Variants in TMC8 observed in about 807,000 individuals in gnomAD.
TMC8 encodes transmembrane channel-like protein 8.
Under a neutral mutation model 76.0 loss-of-function variants are expected in TMC8, and 71 were observed. The observed-to-expected ratio is 0.93, with a 90% CI of 0.77 to 1.14. The LOEUF is 1.14. Among genes scored for constraint, TMC8 ranks in the 50% most tolerant of loss-of-function variants. The probability of loss-of-function intolerance (pLI) is 0.00; values close to 1 mark genes in which losing one functional copy is unlikely to be tolerated. For missense variants in TMC8, 924 were observed against 947.9 expected, an observed-to-expected ratio of 0.97 and a Z score of 0.33; for synonymous variants, 433 against 433.8, an observed-to-expected ratio of 1.00 and a Z score of 0.02.
chr17:78,132,278 C>A lies in TMC8; in HGVS notation c.299-81C>A, dbSNP rs1413519673. On this transcript the variant is annotated intron_variant, in intron 3 of 15. Transcript: ENST00000318430. The stretch of plus-strand genomic sequence containing the variant: ...AGCCTGGCGGGCACCCCACGCCGTC[C>A]GGTGGGCCCGCCCTTGGACTCTCAG... 4 of 1,547,222 alleles carry A rather than the reference C, an allele frequency of 2.6e-6. No homozygotes were observed. In the African/African-American group the frequency reaches 4.1e-5, roughly 16 times the overall value.
chr17:78,134,146 T>A, intron 7 of TMC8, 146 bp downstream of exon 7: 1 of 1,292,314 alleles, frequency 7.7e-7, no homozygotes, highest in Non-Finnish European at 1.1e-6. Context: ...TGTGGGAGCG[T>A]GATGGAGAGC....
intron 6 of TMC8, 140 bp downstream of exon 6, chr17:78,133,682 T>C: frequency 6.5e-7 from 1 of 1,540,802 alleles, no homozygotes; most frequent in South Asian, 1.1e-5. Context: ...CAGCCCAGGC[T>C]CTGGCCGCAA....
intron 4 of TMC8, 93 bp from the exon 5 acceptor site, chr17:78,132,695 C>T: frequency 1.3e-6 from 2 of 1,527,096 alleles, no homozygotes; most frequent in Non-Finnish European, 1.8e-6. Flanking sequence ...CCTGCCCAGG[C>T]CTCCCCAGGG....
At chr17:78,132,155 C>T (rs1461042342) in intron 3 of TMC8, 125 bp downstream of exon 3, 18 of 1,447,170 alleles carry the variant, frequency 1.2e-5, no homozygotes, top group South Asian at 3.7e-5. Flanking sequence ...CGGCCCCTCC[C>T]CCCTCCCACC....
In TMC8 at chr17:78,133,977, C is replaced by G; in HGVS notation, c.793C>G (p.His265Asp). 6.2e-7 allele frequency: 1 copy of G among 1,613,748 alleles called. No homozygotes were observed. The highest frequency in any genetic ancestry group is 8.5e-7 in the Non-Finnish European group (1 of 1,180,040). ...GCAGGAAGCAGCCACCATCAAGAAG[C>G]ATGAGATCAGCAACGAGTTCAAGGT... is the stretch of plus-strand genomic sequence containing the variant. ...RVQEAATIKK[H>D]EISNEFKVEL... is the part of the protein sequence containing the mutation. Residue 265 changes from histidine (H) to aspartate (D), a missense_variant, in exon 7 of 16, where the codon CAT becomes GAT. His to Asp is a moderately conservative substitution (Grantham distance 81). Coordinates refer to ENST00000318430, the MANE Select transcript of TMC8 (RefSeq NM_152468.5).
At chr17:78,137,193 A>G (rs1318957485) in intron 9 of TMC8, 42 bp from the exon 10 acceptor site, 8 of 1,611,208 alleles carry the variant, frequency 5.0e-6, no homozygotes, top group Non-Finnish European at 5.9e-6. Flanking sequence ...CCCGGTGCCC[A>G]TGTGCCTGGG....
chr17:78,134,560 A>C lies in TMC8; in HGVS notation c.983A>C (p.Lys328Thr). The C allele has an allele frequency of 6.2e-7, 1 of 1,614,090 alleles. No individual in the cohort carries two copies. The highest frequency in any genetic ancestry group is 8.5e-7 in the Non-Finnish European group (1 of 1,180,026). The change falls in exon 8 of 16, where the codon AAG becomes ACG. Residue 328 changes from lysine to threonine, a missense_variant. Coordinates refer to ENST00000318430, the MANE Select transcript of TMC8 (RefSeq NM_152468.5). ...GCTACCAAGTACTCACAGGACAACA[A>C]GGAGGTGTCAGGCAACTGCATTCAT... ...FWATKYSQDN[K>T]EESLFLLLQY...
chr17:78,132,423 GC>G lies in TMC8; in HGVS notation c.364del (p.Leu122Ter). ...FLRFLLLLNL[L>X]SLLLTASFVL... ...TCCGCTTCCTGCTGCTACTCAACCT[GC>G]TGAGCCTGCTGCTCACCGCAAGCTT... On this transcript the variant is annotated frameshift_variant, in exon 4 of 16. Coordinates refer to ENST00000318430, the MANE Select transcript of TMC8 (RefSeq NM_152468.5). LOFTEE classifies it high-confidence loss of function. 1.2e-6 allele frequency: 2 copies of G among 1,612,664 alleles called. No homozygotes were observed. The highest frequency in any genetic ancestry group is 1.7e-6 in the Non-Finnish European group (2 of 1,179,586).
intron 9 of TMC8, among the ~76,000 whole-genome samples, chr17:78,136,294 T>A (rs11654009): frequency 0.028 from 4,291 of 151,882 alleles, 101 homozygotes; most frequent in South Asian, 0.099. Context: ...CAAGACCCCG[T>A]CTCTACAAAA....
At chr17:78,133,656 C>T in intron 6 of TMC8, 114 bp downstream of exon 6, 1 of 1,563,026 alleles carries the variant, frequency 6.4e-7, no homozygotes, top group Non-Finnish European at 8.7e-7. Context: ...GCACAGCAGG[C>T]TCCTGGGTGC....
intron 11 of TMC8, 25 bp from the exon 12 acceptor site, chr17:78,137,980 T>G (rs2075278324): frequency 6.2e-7 from 1 of 1,612,952 alleles, no homozygotes; most frequent in African/African-American, 1.3e-5. Flanking sequence ...GAGTGGTGAG[T>G]ACCTGGACCC....
chr17:78,131,706 C>G lies in TMC8; in HGVS notation c.118C>G (p.Pro40Ala), dbSNP rs374017520. 166 of 1,582,764 alleles carry G rather than the reference C, an allele frequency of 1.0e-4. No individual in the cohort carries two copies. Among genetic ancestry groups the G allele is most frequent in the Middle Eastern group, 1.7e-4 (1 of 5,972 alleles). ...CTCTGGGACGCCCGTGCGCGGGCTG[C>G]CCTATGCCATGATGGACAAGCGCCT... ...RGSGTPVRGL[P>A]YAMMDKRLIW... The change falls in exon 2 of 16, where the codon CCC (proline) becomes GCC (alanine). Residue 40 changes from proline to alanine, a missense_variant. Physicochemically the swap from Pro to Ala is conservative, Grantham distance 27 (BLOSUM62 -1). Transcript: ENST00000318430.
chr17:78,134,329 C>T, intron 7 of TMC8, 65 bp from the exon 8 acceptor site: 3 of 1,573,386 alleles, frequency 1.9e-6, no homozygotes, highest in South Asian at 2.2e-5. Flanking sequence ...GAGAGCGTTT[C>T]CTGCACCCTT....
chr17:78,137,793 TC>T lies in TMC8; in HGVS notation c.1330del (p.Leu444TrpfsTer55). 6.2e-7 allele frequency: 1 copy of T among 1,613,542 alleles called. No individual in the cohort carries two copies. Among genetic ancestry groups the T allele is most frequent in the Middle Eastern group, 1.7e-4 (1 of 6,050 alleles). Reference sequence around the variant, plus strand: ...TTCCTCCTCACCGTGGCCTTCGCCTTCCTGGTCACCCTGCCTCGGAGGTGAG... The same window carrying T: ...TTCCTCCTCACCGTGGCCTTCGCCTTCTGGTCACCCTGCCTCGGAGGTGAG... ...FNFLLTVAFA[F>X]LVTLPRRLLV... On this transcript the variant is annotated frameshift_variant, in exon 11 of 16. Transcript: ENST00000318430. LOFTEE classifies it high-confidence loss of function.
rs949534104 is a variant in TMC8, at chr17:78,134,812, G to A, written c.988-58G>A. On this transcript the variant is annotated intron_variant, in intron 8 of 15. Transcript: ENST00000318430. ...TACACTTTAGGGCACTGTGGGGGGC[G>A]GGGAGCAGACAGGGGCCCCCCAGCA... is the stretch of plus-strand genomic sequence containing the variant. 45 of 1,608,532 alleles carry A rather than the reference G, an allele frequency of 2.8e-5. No individual in the cohort carries two copies. In the African/African-American group the frequency reaches 3.9e-4, roughly 14 times the overall value.
intron 15 of TMC8, among the ~76,000 whole-genome samples, chr17:78,140,362 C>A (rs376255342): frequency 3.3e-5 from 5 of 150,752 alleles, no homozygotes; most frequent in East Asian, 1.9e-4. Context: ...AGGCTTGGGG[C>A]CAGGGGCTTA....
chr17:78,132,179 G>A (rs558631360), intron 3 of TMC8, 149 bp downstream of exon 3: 2 of 1,418,710 alleles, frequency 1.4e-6, no homozygotes, highest in African/African-American at 2.8e-5. Flanking sequence ...TCCGCCCGCA[G>A]GCACCGCAAA....
intron 7 of TMC8, 25 bp from the exon 8 acceptor site, chr17:78,134,369 C>T: frequency 6.2e-7 from 1 of 1,606,472 alleles, no homozygotes; most frequent in East Asian, 2.2e-5. Context: ...CCTGCAGCTG[C>T]CTCTGTCCCC....
intron 9 of TMC8, among the ~76,000 whole-genome samples, chr17:78,136,186 G>A (rs188810427): frequency 2.0e-5 from 3 of 152,272 alleles, no homozygotes; most frequent in African/African-American, 7.2e-5. Flanking sequence ...CACGCAACCA[G>A]GCACAGTGAC....
Sources: gnomAD v4.1 joint callset for allele counts (sites outside exome capture counted in the v4.1 genomes callset) on GRCh38, gnomAD v4.1.1 for gene constraint, MANE v1.5 for transcripts, NCBI Gene and HGNC (gene_info 2026-07-23, HGNC 2026-07-21) for gene names.